Variants in SNX14 observed in about 807,000 individuals in gnomAD.
SNX14 encodes sorting nexin 14, also known as sorting nexin-14.
In SNX14, 93 loss-of-function variants were observed where a neutral mutation model predicts 133.8. The observed-to-expected ratio is 0.70, with a 90% CI of 0.59 to 0.83. The LOEUF (loss-of-function observed/expected upper bound fraction) is 0.83. Ranked by LOEUF, SNX14 falls within the 40% of genes least tolerant of loss-of-function variation. The pLI, the probability that SNX14 is intolerant of heterozygous loss-of-function variation, is 0.00. For missense variants in SNX14, 945 were observed against 1,094.9 expected, an observed-to-expected ratio of 0.86 and a Z score of 1.93; for synonymous variants, 368 against 365.6, an observed-to-expected ratio of 1.01 and a Z score of -0.07.
chr6:85,540,673 A>T (rs1783414659), intron 15 of SNX14, among the ~76,000 whole-genome samples: 1 of 152,246 alleles, frequency 6.6e-6, no homozygotes, highest in African/African-American at 2.4e-5. Context: ...TTAATATTCA[A>T]CATTCAAAAA....
At chr6:85,569,870 G>T (rs1421923408) in intron 4 of SNX14, among the ~76,000 whole-genome samples, 1 of 152,076 alleles carries the variant, frequency 6.6e-6, no homozygotes, top group Non-Finnish European at 1.5e-5. Flanking sequence ...CTAGAATATT[G>T]TTTCCTCATT....
intron 21 of SNX14, 52 bp from the exon 22 acceptor site, chr6:85,518,100 T>C (rs755356188): frequency 1.1e-5 from 15 of 1,417,572 alleles, no homozygotes; most frequent in Admixed American, 1.9e-5. Flanking sequence ...CTCTTCATAA[T>C]TGCTCACATG....
rs774347247 is a variant in SNX14, at chr6:85,533,803, G to A, written c.1609-3C>T. On this transcript the variant is annotated splice_region_variant and splice_polypyrimidine_tract_variant and intron_variant, in intron 17 of 28. Coordinates refer to ENST00000314673, the MANE Select transcript of SNX14 (RefSeq NM_153816.6). Reference sequence around the variant, plus strand: ...ATTACAACAATACCTTCTTCAATCTGGAAAAAAATTACCAGGATGAATTTA... The same window carrying A: ...ATTACAACAATACCTTCTTCAATCTAGAAAAAAATTACCAGGATGAATTTA... 3.7e-6 allele frequency: 6 copies of A among 1,606,222 alleles called. No individual in the cohort carries two copies. The highest frequency in any genetic ancestry group is 4.2e-6 in the Non-Finnish European group (5 of 1,177,880).
In SNX14 at chr6:85,514,538, A is replaced by G; in HGVS notation, c.2360T>C (p.Val787Ala). ...CATCAGGTAATCATAGACTCCTTCT[A>G]CAGTCATCACCTCCATAAAATAATT... Reference protein sequence around the residue: ...NQNYFMEVMTVEGVYDYLMYV... With the variant: ...NQNYFMEVMTAEGVYDYLMYV... Residue 787 changes from valine (V) to alanine (A), a missense_variant, in exon 24 of 29, where the codon GTA (valine) becomes GCA (alanine). Val to Ala is a moderately conservative substitution (Grantham distance 64, BLOSUM62 0). This residue lies in a region of SNX14 where 412 missense variants were observed against 516.6 expected (regional missense o/e 0.80). Coordinates refer to ENST00000314673, the MANE Select transcript of SNX14 (RefSeq NM_153816.6). The G allele has an allele frequency of 6.2e-7, 1 of 1,613,516 alleles. No homozygotes were observed. Among genetic ancestry groups the G allele is most frequent in the Non-Finnish European group, 8.5e-7 (1 of 1,179,752 alleles).
At chr6:85,542,183 G>C (rs1290283937) in intron 14 of SNX14, 140 bp from the exon 15 acceptor site, 1 of 529,140 alleles carries the variant, frequency 1.9e-6, no homozygotes, top group African/African-American at 2.0e-5. Context: ...GGTCAACTAG[G>C]GTAAGGATGA....
chr6:85,587,277 ACT>A (rs967333126), intron 1 of SNX14, among the ~76,000 whole-genome samples: 11 of 152,104 alleles, frequency 7.2e-5, no homozygotes, highest in African/African-American at 2.7e-4. Flanking sequence ...AGTTTTTTAC[ACT>A]CTCTTATGTA....
Position 85,547,143 on chromosome 6 carries a change from T to C in SNX14, c.1077A>G (p.Ala359=). The C allele has an allele frequency of 6.2e-7, 1 of 1,613,990 alleles. No individual in the cohort carries two copies. Reference sequence around the variant, plus strand: ...TCAAACAAAACTGCAACACGTGCACTGCGCCTTCTTGTTTCAGAAAGTTCA... The same window carrying C: ...TCAAACAAAACTGCAACACGTGCACCGCGCCTTCTTGTTTCAGAAAGTTCA... ...RFMNFLKQEG[A]VHVLQFCLTV... is the part of the protein sequence containing the mutation. The change falls in exon 12 of 29, where the codon GCA becomes GCG. Residue 359 remains alanine (A), a synonymous_variant. Coordinates refer to ENST00000314673, the MANE Select transcript of SNX14 (RefSeq NM_153816.6).
rs564859497 is a variant in SNX14 at position 85,591,855 on chromosome 6, G to GAA, written c.140+1723_140+1724insTT. ...TGAAACCCCCGTCTCTATTAAAAAT[G>GAA]TAAAAAAAGTAGCCGGGCATGGTGG... is the stretch of plus-strand genomic sequence containing the variant. On this transcript the variant is annotated intron_variant, in intron 1 of 28. Coordinates refer to ENST00000314673, the MANE Select transcript of SNX14 (RefSeq NM_153816.6). 2.6e-3 allele frequency among the ~76,000 whole-genome samples: 398 copies of GAA among 152,052 alleles called. 1 individual carries two copies. The highest frequency in any genetic ancestry group is 4.8e-3 in the Non-Finnish European group (324 of 67,940).
At chr6:85,533,463 T>G in intron 18 of SNX14, 136 bp downstream of exon 18, 1 of 777,566 alleles carries the variant, frequency 1.3e-6, no homozygotes. Flanking sequence ...TTCTTTCAAT[T>G]TTCTGTTCTG....
chr6:85,592,012 CAAAAAT>C (rs899203366), intron 1 of SNX14, among the ~76,000 whole-genome samples: 19 of 152,096 alleles, frequency 1.2e-4, no homozygotes, highest in African/African-American at 1.7e-4. Flanking sequence ...GACTCCGTCT[CAAAAAT>C]AAAAATAAAA....
At position 85,514,146 on chromosome 6, in the gene SNX14, A is replaced by C. The variant is rs1314960191; in HGVS notation, c.2481T>G (p.Thr827=). ...CTAGTTTACACTGAAGATAGTAATC[A>C]GTATACATTTCCAGGGTGTTTTTAA... is the stretch of plus-strand genomic sequence containing the variant. ...ILFKNTLEMY[T]DYYLQCKLEQ... is the part of the protein sequence containing the mutation. The change falls in exon 25 of 29, where the codon ACT becomes ACG. Residue 827 remains threonine, a synonymous_variant. Coordinates refer to ENST00000314673, the MANE Select transcript of SNX14 (RefSeq NM_153816.6). 6.2e-7 allele frequency: 1 copy of C among 1,614,078 alleles called. No individual in the cohort carries two copies. Among genetic ancestry groups the C allele is most frequent in the Admixed American group, 1.7e-5 (1 of 60,028 alleles).
intron 12 of SNX14, among the ~76,000 whole-genome samples, chr6:85,545,207 AAAAT>A (rs1162745693): frequency 6.6e-6 from 1 of 152,208 alleles, no homozygotes; most frequent in African/African-American, 2.4e-5. Flanking sequence ...AAAATACTAA[AAAAT>A]AACCTCAAGA....
In SNX14 at chr6:85,567,198, TC is replaced by T. The variant is rs377651735; in HGVS notation, c.461+335del. 4.6e-4 allele frequency among the ~76,000 whole-genome samples: 70 copies of T among 152,362 alleles called. No individual in the cohort carries two copies. The South Asian group carries it at 0.01, about 22-fold the overall frequency. ...GCCTAAGTTTTCTTCCTCTTTACTATCACCAAATTATTAATTGACTGATGCC... is the reference window on the plus strand; with the variant it reads ...GCCTAAGTTTTCTTCCTCTTTACTATACCAAATTATTAATTGACTGATGCC... On this transcript the variant is annotated intron_variant, in intron 5 of 28. Coordinates refer to ENST00000314673, the MANE Select transcript of SNX14 (RefSeq NM_153816.6).
At chr6:85,560,539 GA>G (rs1277227438) in intron 6 of SNX14, among the ~76,000 whole-genome samples, 2 of 152,156 alleles carry the variant, frequency 1.3e-5, no homozygotes, top group Non-Finnish European at 2.9e-5. Context: ...TCTGGGTGAT[GA>G]AAATGTTCTA....
intron 6 of SNX14, among the ~76,000 whole-genome samples, chr6:85,559,518 C>G (rs1262813430): frequency 6.6e-6 from 1 of 152,070 alleles, no homozygotes; most frequent in African/African-American, 2.4e-5. Flanking sequence ...TCATTATTCC[C>G]AAACTTCCAA....
intron 21 of SNX14, among the ~76,000 whole-genome samples, chr6:85,524,324 T>C (rs577063549): frequency 1.3e-5 from 2 of 152,282 alleles, no homozygotes; most frequent in South Asian, 2.1e-4. Flanking sequence ...TTTATGTGTA[T>C]AGAGATAAAG....
intron 26 of SNX14, among the ~76,000 whole-genome samples, chr6:85,508,908 G>A (rs1771755402): frequency 6.6e-6 from 1 of 152,164 alleles, no homozygotes; most frequent in South Asian, 2.1e-4. Context: ...CCTAGTGTTG[G>A]TCATAAAAAA....
intron 4 of SNX14, among the ~76,000 whole-genome samples, chr6:85,571,760 T>C (rs1795680248): frequency 6.6e-6 from 1 of 152,212 alleles, no homozygotes; most frequent in African/African-American, 2.4e-5. Flanking sequence ...ACTCTACCCT[T>C]CAGTTAGTGT....
intron 7 of SNX14, among the ~76,000 whole-genome samples, chr6:85,554,763 C>A (rs1274097559): frequency 6.6e-6 from 1 of 152,116 alleles, no homozygotes; most frequent in Non-Finnish European, 1.5e-5. Context: ...ACCCCTCTCA[C>A]AAAAATTCAA....
Sources: gnomAD v4.1 joint callset for allele counts (sites outside exome capture counted in the v4.1 genomes callset) on GRCh38, gnomAD v4.1.1 for gene constraint, gnomAD v4.1.1 regional missense constraint, MANE v1.5 for transcripts, NCBI Gene and HGNC (gene_info 2026-07-23, HGNC 2026-07-21) for gene names.